The following PIK3AP1 variants were observed in gnomAD, a reference collection of about 807,000 sequenced individuals.
The protein encoded by PIK3AP1 is phosphoinositide 3-kinase adapter protein 1.
A neutral mutation model predicts 88.1 loss-of-function variants in PIK3AP1; 21 were observed. The ratio of observed to expected loss-of-function variants is 0.24; its 90% CI spans 0.17 to 0.34. The LOEUF is 0.34. PIK3AP1 is among the 10% of genes least tolerant of loss of function. The probability of loss-of-function intolerance (pLI) is 1.00; values close to 1 mark genes in which losing one functional copy is unlikely to be tolerated. For missense variants in PIK3AP1, 828 were observed against 1,035.7 expected, an observed-to-expected ratio of 0.80 and a Z score of 2.75; for synonymous variants, 398 against 400.0, an observed-to-expected ratio of 1.00 and a Z score of 0.06.
chr10:96,603,783 A>G, intron 15 of PIK3AP1, 196 bp downstream of exon 15: 1 of 543,800 alleles, frequency 1.8e-6, no homozygotes, highest in Non-Finnish European at 3.3e-6. Flanking sequence ...GTTTCTTCCC[A>G]TTCCTCCTCC....
intron 16 of PIK3AP1, 114 bp from the exon 17 acceptor site, chr10:96,595,748 G>A (rs956699715): frequency 4.7e-5 from 45 of 960,392 alleles, no homozygotes; most frequent in Non-Finnish European, 6.7e-5. Context: ...AATCCTCAAT[G>A]AGACAGGACA....
At chr10:96,631,097 C>G (rs1177052095) in intron 8 of PIK3AP1, among the ~76,000 whole-genome samples, 1 of 152,156 alleles carries the variant, frequency 6.6e-6, no homozygotes, top group Non-Finnish European at 1.5e-5. Context: ...GTCAGACACC[C>G]CTAAAGATGA....
At chr10:96,715,893 GA>G (rs754473479) in intron 1 of PIK3AP1, among the ~76,000 whole-genome samples, 2,221 of 101,302 alleles carry the variant, frequency 0.022, 59 homozygotes, top group African/African-American at 0.065. Context: ...CCATTTCAAA[GA>G]AAAAAAAAAA....
chr10:96,642,474 AAGAAAGAAAGAAAGGT>A (rs1230373328), intron 8 of PIK3AP1, among the ~76,000 whole-genome samples: 1 of 151,768 alleles, frequency 6.6e-6, no homozygotes, highest in African/African-American at 2.4e-5. Context: ...AAGAGAAAGA[AAGAAAGAAAGAAAGGT>A]AGAAAGAAAG....
intron 2 of PIK3AP1, among the ~76,000 whole-genome samples, chr10:96,683,551 C>T (rs915302685): frequency 6.6e-6 from 1 of 152,204 alleles, no homozygotes; most frequent in African/African-American, 2.4e-5. Context: ...TTCTATACAT[C>T]TCATTCCATT....
chr10:96,596,511 C>A (rs1347071449), intron 16 of PIK3AP1, among the ~76,000 whole-genome samples: 3 of 152,058 alleles, frequency 2.0e-5, no homozygotes, highest in Non-Finnish European at 4.4e-5. Context: ...TTTAAAACAC[C>A]AGCAATTCTA....
intron 4 of PIK3AP1, 73 bp downstream of exon 4, chr10:96,652,625 T>C: frequency 1.3e-6 from 2 of 1,525,094 alleles, no homozygotes; most frequent in East Asian, 4.5e-5. Flanking sequence ...TACCTGGCAT[T>C]GGTGGCATTG....
At chr10:96,700,533 G>A (rs1311563605) in intron 2 of PIK3AP1, among the ~76,000 whole-genome samples, 1 of 152,176 alleles carries the variant, frequency 6.6e-6, no homozygotes, top group East Asian at 1.9e-4. Flanking sequence ...TATCCCAGCT[G>A]GGTATCTTCT....
chr10:96,702,907 C>T (rs1264176285), intron 2 of PIK3AP1, among the ~76,000 whole-genome samples: 1 of 152,160 alleles, frequency 6.6e-6, no homozygotes, highest in Non-Finnish European at 1.5e-5. Context: ...GACAGGGTCT[C>T]GCTCTGTCTC....
intron 11 of PIK3AP1, 31 bp from the exon 12 acceptor site, chr10:96,620,588 G>C: frequency 6.2e-7 from 1 of 1,601,266 alleles, no homozygotes; most frequent in South Asian, 1.1e-5. Flanking sequence ...CAGCTTGACA[G>C]CTCCCCCACT....
chr10:96,663,985 C>T (rs889516654), intron 2 of PIK3AP1, among the ~76,000 whole-genome samples: 2 of 152,142 alleles, frequency 1.3e-5, no homozygotes, highest in African/African-American at 4.8e-5. Flanking sequence ...CAGATACCCC[C>T]CAGCTGCTGA....
intron 6 of PIK3AP1, among the ~76,000 whole-genome samples, chr10:96,650,637 A>G (rs1031197709): frequency 2.0e-5 from 3 of 152,208 alleles, no homozygotes; most frequent in Admixed American, 2.0e-4. Flanking sequence ...AAGCAGGTGA[A>G]TGGAACCTAC....
At chr10:96,711,596 CA>C (rs1844437219) in intron 1 of PIK3AP1, among the ~76,000 whole-genome samples, 1 of 152,224 alleles carries the variant, frequency 6.6e-6, no homozygotes, top group Admixed American at 6.5e-5. Context: ...AGGACTTAGG[CA>C]AGACCTAGAG....
At position 96,609,807 on chromosome 10, in the gene PIK3AP1, C is replaced by A. The variant is rs750423650; in HGVS notation, c.2075G>T (p.Gly692Val). The A allele has an allele frequency of 2.5e-6, 4 of 1,614,090 alleles. No homozygotes were observed. The East Asian group carries it at 8.9e-5, about 36-fold the overall frequency. ...SQHLPAKVEF[G>V]VYESGPRKSV... ...TTTCCTGGGGCCACTCTCATAGACT[C>A]CAAACTCCACTTTTGCAGGCAGGTG... is the stretch of plus-strand genomic sequence containing the variant. The change falls in exon 14 of 17, where the codon GGA becomes GTA. Residue 692 changes from glycine (G) to valine (V), a missense_variant. Around this residue, in one of 3 missense-constraint regions of PIK3AP1, gnomAD observed 191 missense variants for 208.6 expected, o/e 0.92. Coordinates refer to ENST00000339364, the MANE Select transcript of PIK3AP1 (RefSeq NM_152309.3).
intron 8 of PIK3AP1, among the ~76,000 whole-genome samples, chr10:96,635,064 T>C (rs992132338): frequency 6.6e-6 from 1 of 152,236 alleles, no homozygotes. Context: ...TTTGATTATA[T>C]TGGGCTCACC....
At chr10:96,668,633 C>A (rs1843798544) in intron 2 of PIK3AP1, among the ~76,000 whole-genome samples, 1 of 152,096 alleles carries the variant, frequency 6.6e-6, no homozygotes, top group Non-Finnish European at 1.5e-5. Flanking sequence ...GTCAGGGGAA[C>A]CTGTGTGTCT....
Position 96,720,476 on chromosome 10 carries a change from G to T in PIK3AP1, c.-82C>A. The stretch of plus-strand genomic sequence containing the variant: ...GCCGGCGGCGTCCTGGCTCGGGCTG[G>T]AGGGGCGCCGGGCTCCGCGCGGGAC... On this transcript the variant is annotated 5_prime_UTR_variant, in exon 1 of 17. Coordinates refer to ENST00000339364, the MANE Select transcript of PIK3AP1 (RefSeq NM_152309.3). The surrounding 1 kb of genome is among the most constrained non-coding windows in gnomAD (Gnocchi z 4.6). The T allele has an allele frequency of 4.3e-6, 5 of 1,174,962 alleles. No individual in the cohort carries two copies. In the South Asian group the frequency reaches 1.7e-4, roughly 40 times the overall value. The allele number at this position is 1,174,962 out of a possible 1,614,324, so 72.8% of individuals were successfully genotyped here. A position where few individuals can be genotyped will look rare whatever the true frequency, so the allele number is the denominator to read the frequency against.
chr10:96,683,417 G>C (rs1398689602), intron 2 of PIK3AP1, among the ~76,000 whole-genome samples: 2 of 152,156 alleles, frequency 1.3e-5, no homozygotes, highest in Non-Finnish European at 2.9e-5. Flanking sequence ...AGAGATGTTG[G>C]AAATGTATTT....
intron 11 of PIK3AP1, among the ~76,000 whole-genome samples, chr10:96,622,627 C>T (rs974943146): frequency 6.6e-6 from 1 of 152,204 alleles, no homozygotes; most frequent in African/African-American, 2.4e-5. Flanking sequence ...TTGGGAGACA[C>T]AGTGGAGGAA....
Sources: gnomAD v4.1 joint callset for allele counts (sites outside exome capture counted in the v4.1 genomes callset) on GRCh38, gnomAD v4.1.1 for gene constraint, gnomAD v4.1.1 regional missense constraint, Gnocchi (gnomAD v3.1) non-coding constraint, MANE v1.5 for transcripts, NCBI Gene and HGNC (gene_info 2026-07-23, HGNC 2026-07-21) for gene names.